The following ZZZ3 variants were observed in gnomAD, a reference collection of about 807,000 sequenced individuals.
ZZZ3 encodes the protein zinc finger ZZ-type containing 3.
A neutral mutation model predicts 95.2 loss-of-function variants in ZZZ3; 22 were observed. The ratio of observed to expected loss-of-function variants is 0.23; its 90% confidence interval spans 0.17 to 0.33. ZZZ3 has a LOEUF of 0.33. ZZZ3 is among the 10% of genes least tolerant of loss of function. The pLI is 1.00. For synonymous variants in ZZZ3, 335 were observed against 358.9 expected (o/e 0.93, Z 0.75); for missense variants, 885 against 1,066.5 (o/e 0.83, Z 2.37).
intron 5 of ZZZ3, among the ~76,000 whole-genome samples, chr1:77,600,466 A>G (rs1664625390): frequency 1.3e-5 from 2 of 152,204 alleles, no homozygotes; most frequent in Admixed American, 6.5e-5. Flanking sequence ...TGAGAAAATT[A>G]TATTTATTTG....
chr1:77,569,262 G>A (rs1311751383), intron 12 of ZZZ3, among the ~76,000 whole-genome samples: 2 of 151,910 alleles, frequency 1.3e-5, no homozygotes, highest in African/African-American at 2.4e-5. Context: ...GCTTGCACCT[G>A]GGAGGCGGAG....
chr1:77,649,592 A>T (rs1447775345), intron 1 of ZZZ3, among the ~76,000 whole-genome samples: 1 of 152,030 alleles, frequency 6.6e-6, no homozygotes, highest in South Asian at 2.1e-4. Flanking sequence ...ACTATAAAAA[A>T]CTTTTCCTGG....
Position 77,653,841 on chromosome 1 carries a change from A to C in ZZZ3, c.-402-12186T>G, listed in dbSNP as rs536232028. 7.2e-5 allele frequency among the ~76,000 whole-genome samples: 11 copies of C among 152,266 alleles called. No homozygotes were observed. The South Asian group carries it at 2.3e-3, about 32-fold the overall frequency. The stretch of plus-strand genomic sequence containing the variant: ...ATGAAATGGACACATTCCATGAAAA[A>C]CTGCAAATTCCCCAAAACTCACTCA... On this transcript the variant is annotated intron_variant, in intron 1 of 14. Transcript: ENST00000370801.
Position 77,632,593 on chromosome 1 carries a change from A to C in ZZZ3, c.762T>G (p.Asp254Glu). 6.2e-7 allele frequency: 1 copy of C among 1,614,178 alleles called. No individual in the cohort carries two copies. Residue 254 changes from aspartate to glutamate, a missense_variant, in exon 5 of 15, where the codon GAT (aspartate) becomes GAG (glutamate). Asp to Glu is a conservative substitution (Grantham distance 45). Transcript: ENST00000370801. ...CTATATAACTGTCCTCCTTCCTACTATCAAGGAACATTGAAGTTTGGGTAT... is the reference window on the plus strand; with the variant it reads ...CTATATAACTGTCCTCCTTCCTACTCTCAAGGAACATTGAAGTTTGGGTAT... ...DTDTQTSMFL[D>E]SRKEDSYIDH...
intron 5 of ZZZ3, among the ~76,000 whole-genome samples, chr1:77,603,458 A>G (rs955530194): frequency 2.0e-5 from 3 of 152,198 alleles, no homozygotes; most frequent in Non-Finnish European, 4.4e-5. Flanking sequence ...TCTTCCAAGC[A>G]AAGTGAAGAT....
At position 77,599,738 on chromosome 1, in the gene ZZZ3, A is replaced by G. The variant is rs113816981; in HGVS notation, c.1506-15083T>C. Among the ~76,000 whole-genome samples, 1,242 of 152,226 alleles carry G rather than the reference A, an allele frequency of 8.2e-3. 10 individuals carry two copies. Among genetic ancestry groups the G allele is most frequent in the Middle Eastern group, 0.078 (23 of 294 alleles). ...AAATACTAATTCAGTAACAGAATAC[A>G]AAGGCAGAGAAAGAAGAGTACTAGA... On this transcript the variant is annotated intron_variant, in intron 5 of 14. Coordinates refer to ENST00000370801, the MANE Select transcript of ZZZ3 (RefSeq NM_015534.6).
intron 1 of ZZZ3, among the ~76,000 whole-genome samples, chr1:77,655,164 CATTAACCA>C (rs2100985335): frequency 6.6e-6 from 1 of 152,252 alleles, no homozygotes; most frequent in South Asian, 2.1e-4. Context: ...CCCATTAATC[CATTAACCA>C]ATTAACCCAT....
At chr1:77,582,860 C>T (rs553785813) in intron 6 of ZZZ3, among the ~76,000 whole-genome samples, 1 of 152,032 alleles carries the variant, frequency 6.6e-6, no homozygotes, top group African/African-American at 2.4e-5. Flanking sequence ...AATCTCAGCA[C>T]TTTGGGAAGC....
At chr1:77,669,769 T>A (rs957475752) in intron 1 of ZZZ3, among the ~76,000 whole-genome samples, 1 of 152,084 alleles carries the variant, frequency 6.6e-6, no homozygotes, top group African/African-American at 2.4e-5. Context: ...TCTCCGTTTC[T>A]TAAAAGTTTA....
At chr1:77,567,992 T>C (rs1253228566) in intron 13 of ZZZ3, among the ~76,000 whole-genome samples, 1 of 152,168 alleles carries the variant, frequency 6.6e-6, no homozygotes, top group Non-Finnish European at 1.5e-5. Context: ...GATAACTTTT[T>C]CCTACATGCT....
chr1:77,605,534 TGCACCA>T (rs1665146927), intron 5 of ZZZ3, among the ~76,000 whole-genome samples: 1 of 152,100 alleles, frequency 6.6e-6, no homozygotes, highest in Non-Finnish European at 1.5e-5. Flanking sequence ...AGGGAGTGCT[TGCACCA>T]CCCTTCCCCT....
chr1:77,630,819 C>T (rs1667737427), intron 5 of ZZZ3, among the ~76,000 whole-genome samples: 1 of 152,130 alleles, frequency 6.6e-6, no homozygotes, highest in Non-Finnish European at 1.5e-5. Flanking sequence ...TGTCCCACAA[C>T]CAGGATTTGA....
chr1:77,563,727 T>G lies in ZZZ3; in HGVS notation c.*1913A>C, dbSNP rs1027446763. On this transcript the variant is annotated 3_prime_UTR_variant, in exon 15 of 15. Coordinates refer to ENST00000370801, the MANE Select transcript of ZZZ3 (RefSeq NM_015534.6). ...AGTTGAAGGCAGATCTTCTGGCATA[T>G]TCACAAAACATTTAATATAAAAACG... 2 of 152,164 alleles carry G rather than the reference T, an allele frequency of 1.3e-5. No homozygotes were observed. Among genetic ancestry groups the G allele is most frequent in the African/African-American group, 2.4e-5 (1 of 41,432 alleles). 9.4% of individuals were successfully genotyped at this position (152,164 alleles called of 1,614,324 possible).
At chr1:77,605,334 G>C (rs552132707) in intron 5 of ZZZ3, among the ~76,000 whole-genome samples, 2 of 152,344 alleles carry the variant, frequency 1.3e-5, no homozygotes, top group South Asian at 2.1e-4. Context: ...GCCCTAGCCA[G>C]AGGGCAATTG....
chr1:77,678,421 AAC>A (rs887520849), intron 1 of ZZZ3, among the ~76,000 whole-genome samples: 1 of 152,210 alleles, frequency 6.6e-6, no homozygotes. Context: ...ACATTTAATT[AAC>A]AGAGTTTTGA....
intron 5 of ZZZ3, among the ~76,000 whole-genome samples, chr1:77,593,052 TAGA>T (rs1663874769): frequency 6.6e-6 from 1 of 152,102 alleles, no homozygotes; most frequent in Non-Finnish European, 1.5e-5. Flanking sequence ...CTTAAAACAG[TAGA>T]AGATCAGAGT....
At chr1:77,589,955 A>G (rs913925510) in intron 5 of ZZZ3, among the ~76,000 whole-genome samples, 1 of 152,224 alleles carries the variant, frequency 6.6e-6, no homozygotes, top group African/African-American at 2.4e-5. Flanking sequence ...ATAACCCTTA[A>G]GATTCCATGG....
chr1:77,594,921 CAA>C (rs371690201), intron 5 of ZZZ3, among the ~76,000 whole-genome samples: 9 of 80,702 alleles, frequency 1.1e-4, no homozygotes, highest in African/African-American at 2.8e-4. Context: ...TTGACAGGCC[CAA>C]AAAAAAAAAA....
intron 5 of ZZZ3, among the ~76,000 whole-genome samples, chr1:77,611,032 AC>A (rs1213225511): frequency 6.6e-6 from 1 of 151,810 alleles, no homozygotes; most frequent in African/African-American, 2.4e-5. Flanking sequence ...TTAAATCATC[AC>A]CATTTGCAGA....
Sources: allele counts gnomAD v4.1 joint callset (sites outside exome capture counted in the v4.1 genomes callset), GRCh38; gene constraint gnomAD v4.1.1; transcripts MANE v1.5; gene names NCBI Gene and HGNC (gene_info 2026-07-23, HGNC 2026-07-21).